Variants in SAMD11 observed in about 807,000 individuals in gnomAD.
The protein encoded by SAMD11 is sterile alpha motif domain containing 11.
SAMD11 carries 77 observed loss-of-function variants against 64.4 expected under a neutral mutation model. That is an observed-to-expected ratio of 1.20 (90% CI 0.99 to 1.44). The LOEUF is 1.44. SAMD11 is among the 40% of genes most tolerant of loss of function. SAMD11 has a pLI of 0.00. For missense variants in SAMD11, 1,402 were observed against 943.3 expected (o/e 1.49, Z -6.37); for synonymous variants, 658 against 421.9 (o/e 1.56, Z -6.86).
chr1:941,064 C>G (rs564040345), intron 7 of SAMD11, 80 bp from the exon 8 acceptor site: 1 of 1,333,676 alleles, frequency 7.5e-7, no homozygotes, highest in African/African-American at 1.4e-5. Context: ...TTCCCCACCT[C>G]AGTGTTCTAC....
At chr1:939,665 TAG>T (rs1267651068) in intron 7 of SAMD11, among the ~76,000 whole-genome samples, 1 of 151,986 alleles carries the variant, frequency 6.6e-6, no homozygotes, top group African/African-American at 2.4e-5. Flanking sequence ...ACATTTTATA[TAG>T]AGAGAAATGG....
At chr1:926,917 C>A (rs1311366384) in intron 2 of SAMD11, among the ~76,000 whole-genome samples, 7 of 152,048 alleles carry the variant, frequency 4.6e-5, no homozygotes, top group African/African-American at 1.7e-4. Context: ...CTGAGGGTCC[C>A]GGGCGTACCT....
chr1:938,498 G>C (rs1032082774), intron 5 of SAMD11, among the ~76,000 whole-genome samples: 1 of 152,186 alleles, frequency 6.6e-6, no homozygotes, highest in Non-Finnish European at 1.5e-5. Flanking sequence ...CTGGGGGCAG[G>C]GATGGGTATG....
In SAMD11 at chr1:941,130, T is replaced by C; in HGVS notation, c.1196-14T>C. The stretch of plus-strand genomic sequence containing the variant: ...GCATAGCCGGGGGGATCACTGCTGT[T>C]GTCCCCCACCCAGATCTCCTGAGGG... On this transcript the variant is annotated splice_polypyrimidine_tract_variant and intron_variant, in intron 7 of 13. Coordinates refer to ENST00000616016, the MANE Select transcript of SAMD11 (RefSeq NM_001385641.1). 1.3e-6 allele frequency: 2 copies of C among 1,589,214 alleles called. No individual in the cohort carries two copies. Among genetic ancestry groups the C allele is most frequent in the African/African-American group, 1.3e-5 (1 of 74,448 alleles).
At chr1:934,916 TGCGTTACAGGTGGGCGGGGGGGGCG>T (rs1641346738) in intron 4 of SAMD11, among the ~76,000 whole-genome samples, 3 of 72,072 alleles carry the variant, frequency 4.2e-5, no homozygotes, top group African/African-American at 1.9e-4. Context: ...GGGAGGCGGC[TGCGTTACAGGTGGGCGGGGGGGGCG>T]GCTGCGTTAC....
chr1:937,715 G>A (rs935580271), intron 5 of SAMD11, among the ~76,000 whole-genome samples: 1 of 152,184 alleles, frequency 6.6e-6, no homozygotes, highest in Non-Finnish European at 1.5e-5. Context: ...CGCCCGCCGG[G>A]CCCAGCCACC....
chr1:937,761 C>T (rs1035334651), intron 5 of SAMD11, among the ~76,000 whole-genome samples: 5 of 152,204 alleles, frequency 3.3e-5, no homozygotes, highest in East Asian at 1.9e-4. Flanking sequence ...TGGACCAGAC[C>T]GTGGGACTGA....
intron 2 of SAMD11, among the ~76,000 whole-genome samples, chr1:928,386 C>T (rs988231145): frequency 6.6e-6 from 1 of 151,788 alleles, no homozygotes; most frequent in African/African-American, 2.4e-5. Flanking sequence ...AGTGAGACTC[C>T]GTCTCAAAAA....
At chr1:937,252 C>A (rs945742046) in intron 5 of SAMD11, among the ~76,000 whole-genome samples, 1 of 152,170 alleles carries the variant, frequency 6.6e-6, no homozygotes, top group African/African-American at 2.4e-5. Context: ...TCCCGCTAAG[C>A]CGCACCTCCC....
At position 924,598 on chromosome 1, in the gene SAMD11, C is replaced by T. The variant is rs1200105429; in HGVS notation, c.167C>T (p.Ala56Val). ...LPPAASLPAS[A>V]AGYEALLAPP... is the part of the protein sequence containing the mutation. ...CCGGCCGCCTCGCTGCCCGCCTCGG[C>T]CGCCGGTTACGAGGCTCTGCTGGCC... The change falls in exon 1 of 14, where the codon GCC becomes GTC. Residue 56 changes from alanine (A) to valine (V), a missense_variant. Coordinates refer to ENST00000616016, the MANE Select transcript of SAMD11 (RefSeq NM_001385641.1). 4 of 151,502 alleles carry T rather than the reference C, an allele frequency of 2.6e-5. No individual in the cohort carries two copies. The highest frequency in any genetic ancestry group is 2.6e-4 in the Admixed American group (4 of 15,172). 9.4% of individuals were successfully genotyped at this position (151,502 alleles called of 1,614,324 possible).
At chr1:926,740 C>T (rs1318667532) in intron 2 of SAMD11, among the ~76,000 whole-genome samples, 1 of 152,112 alleles carries the variant, frequency 6.6e-6, no homozygotes, top group Admixed American at 6.5e-5. Context: ...CCTAGTTGGG[C>T]AGCAAGGGTT....
chr1:937,907 G>A (rs1028781611), intron 5 of SAMD11, among the ~76,000 whole-genome samples: 3 of 152,252 alleles, frequency 2.0e-5, no homozygotes, highest in African/African-American at 7.2e-5. Context: ...GACAGATTAA[G>A]GGAATAAGAA....
At chr1:936,570 G>T (rs529492216) in intron 5 of SAMD11, among the ~76,000 whole-genome samples, 1 of 152,138 alleles carries the variant, frequency 6.6e-6, no homozygotes, top group African/African-American at 2.4e-5. Flanking sequence ...GTAGAGAGGG[G>T]CACAGCAGAG....
chr1:940,864 C>T (rs2100350412), intron 7 of SAMD11, among the ~76,000 whole-genome samples: 1 of 152,360 alleles, frequency 6.6e-6, no homozygotes, highest in South Asian at 2.1e-4. Context: ...GCACAGCCCC[C>T]TCCCCGCAAG....
At chr1:928,091 C>T (rs1192163860) in intron 2 of SAMD11, among the ~76,000 whole-genome samples, 1 of 152,240 alleles carries the variant, frequency 6.6e-6, no homozygotes, top group African/African-American at 2.4e-5. Context: ...GTGTCTTCTC[C>T]TCAAAAGAAG....
chr1:944,384 G>A lies in SAMD11; in HGVS notation c.*231G>A, dbSNP rs113000356. On this transcript the variant is annotated 3_prime_UTR_variant, in exon 14 of 14. Coordinates refer to ENST00000616016, the MANE Select transcript of SAMD11 (RefSeq NM_001385641.1). ...CAGACGGAGGGCAGAGGTGGTGGAA[G>A]GGGCCAGGGGCCTGCAGGCCTCCCC... 4 of 1,303,122 alleles carry A rather than the reference G, an allele frequency of 3.1e-6. No individual in the cohort carries two copies. Among genetic ancestry groups the A allele is most frequent in the Admixed American group, 3.6e-5 (1 of 27,458 alleles). 80.7% of individuals were successfully genotyped at this position (1,303,122 alleles called of 1,614,324 possible). A position where few individuals can be genotyped will look rare whatever the true frequency, so the allele number is the denominator to read the frequency against.
At position 944,263 on chromosome 1, in the gene SAMD11, A is replaced by G. The variant is rs1200297054; in HGVS notation, c.*110A>G. The G allele has an allele frequency of 2.1e-6, 3 of 1,453,882 alleles. No individual in the cohort carries two copies. The highest frequency in any genetic ancestry group is 2.7e-6 in the Non-Finnish European group (3 of 1,105,278). 90.1% of individuals were successfully genotyped at this position (1,453,882 alleles called of 1,614,324 possible). On this transcript the variant is annotated 3_prime_UTR_variant, in exon 14 of 14. Coordinates refer to ENST00000616016, the MANE Select transcript of SAMD11 (RefSeq NM_001385641.1). Reference sequence around the variant, plus strand: ...CTTTCGGTTTCGGATGCAAAACAAAAAATTTTAAAAGAAAATGTGACTTCA... The same window carrying G: ...CTTTCGGTTTCGGATGCAAAACAAAGAATTTTAAAAGAAAATGTGACTTCA...
At chr1:925,486 C>T (rs1244936893) in intron 1 of SAMD11, among the ~76,000 whole-genome samples, 2 of 152,002 alleles carry the variant, frequency 1.3e-5, no homozygotes, top group Admixed American at 6.6e-5. Flanking sequence ...CGGTGAGCGC[C>T]AGGCGCCGCG....
intron 5 of SAMD11, among the ~76,000 whole-genome samples, chr1:938,712 TCTC>T (rs1165899104): frequency 1.3e-5 from 2 of 151,984 alleles, no homozygotes; most frequent in African/African-American, 4.8e-5. Flanking sequence ...AGCTTTTTAT[TCTC>T]CTCTAGGGGG....
Sources: gnomAD v4.1 joint callset for allele counts (sites outside exome capture counted in the v4.1 genomes callset) on GRCh38, gnomAD v4.1.1 for gene constraint, MANE v1.5 for transcripts, NCBI Gene and HGNC (gene_info 2026-07-23, HGNC 2026-07-21) for gene names.